Variants in KMT2A observed in about 807,000 individuals in gnomAD.
The protein encoded by KMT2A is lysine methyltransferase 2A.
A neutral mutation model predicts 345.3 loss-of-function variants in KMT2A; 16 were observed. That is an observed-to-expected ratio of 0.05 (90% CI 0.03 to 0.07). The LOEUF is 0.07. Ranked by LOEUF, KMT2A falls within the 10% of genes least tolerant of loss-of-function variation. KMT2A has a pLI of 1.00. For synonymous variants in KMT2A, 1,599 were observed against 1,778.6 expected (o/e 0.90, Z 2.54); for missense variants, 3,272 against 4,841.6 (o/e 0.68, Z 9.62).
chr11:118,492,401 C>T (rs538280193), intron 15 of KMT2A, among the ~76,000 whole-genome samples: 3 of 152,316 alleles, frequency 2.0e-5, no homozygotes, highest in African/African-American at 4.8e-5. Context: ...CACACGGGGC[C>T]GGGCGCGGTG....
At position 118,495,522 on chromosome 11, in the gene KMT2A, A is replaced by G. The variant is rs1455149304; in HGVS notation, c.5364-178A>G. ...GTTTAACCAAGAGTCATATGTTGAG[A>G]TATTTTTTAAAATATTGAGTTCTGT... On this transcript the variant is annotated intron_variant, in intron 18 of 35. Coordinates refer to ENST00000534358, the MANE Select transcript of KMT2A (RefSeq NM_001197104.2). This position sits in a 1 kb window ranked among gnomAD's most constrained non-coding sequence, Gnocchi z 4.1. Among the ~76,000 whole-genome samples the G allele has an allele frequency of 2.6e-5, 4 of 152,124 alleles. No homozygotes were observed. The highest frequency in any genetic ancestry group is 9.7e-5 in the African/African-American group (4 of 41,416).
intron 31 of KMT2A, among the ~76,000 whole-genome samples, chr11:118,518,198 T>C (rs999147217): frequency 6.6e-6 from 1 of 152,194 alleles, no homozygotes. Context: ...AATAAAAATG[T>C]AAAGAACATT....
At chr11:118,486,376 T>G (rs1447792039) in intron 10 of KMT2A, among the ~76,000 whole-genome samples, 1 of 5,856 alleles carries the variant, frequency 1.7e-4, no homozygotes, top group African/African-American at 8.6e-4. Context: ...GTTTCTCTGG[T>G]TTTTTTTTTT....
rs1555048566 is a variant in KMT2A at position 118,506,596 on chromosome 11, T to G, written c.10704T>G (p.Ser3568=). Residue 3568 remains serine (S), a synonymous_variant, in exon 27 of 36, where the codon TCT becomes TCG. Transcript: ENST00000534358. ...TTTCCCATTTGCGGACCAGTTCTTC[T>G]GAAGCACACATTCCAGACCAAGAAA... ...HKVSHLRTSS[S]EAHIPDQETT... is the part of the protein sequence containing the mutation. 6.2e-7 allele frequency: 1 copy of G among 1,613,688 alleles called. No homozygotes were observed. Among genetic ancestry groups the G allele is most frequent in the Non-Finnish European group, 8.5e-7 (1 of 1,179,712 alleles).
Position 118,522,542 on chromosome 11 carries a change from G to A in KMT2A, c.*370G>A. The stretch of plus-strand genomic sequence containing the variant: ...AGAAATAAGTTGCCATCCTCAGGTT[G>A]GCCCTTTCCCAAGCACTGTAAGTGA... On this transcript the variant is annotated 3_prime_UTR_variant, in exon 36 of 36. Coordinates refer to ENST00000534358, the MANE Select transcript of KMT2A (RefSeq NM_001197104.2). The surrounding 1 kb of genome is among the most constrained non-coding windows in gnomAD (Gnocchi z 5.4). The A allele has an allele frequency of 3.6e-6, 1 of 281,638 alleles. No individual in the cohort carries two copies. The allele number at this position is 281,638 out of a possible 1,614,324, so 17.4% of individuals were successfully genotyped here.
rs1264467403 is a variant in KMT2A at position 118,525,721 on chromosome 11, A to C, written c.*3549A>C. ...TCAATCAAATATCTGAAAATACTAA[A>C]GGTCAAAACCTTGTCAGATGTTAAC... On this transcript the variant is annotated 3_prime_UTR_variant, in exon 36 of 36. Transcript: ENST00000534358. 1 of 230,368 alleles carries C rather than the reference A, an allele frequency of 4.3e-6. No individual in the cohort carries two copies. The highest frequency in any genetic ancestry group is 8.6e-6 in the Non-Finnish European group (1 of 116,502). 14.3% of individuals were successfully genotyped at this position (230,368 alleles called of 1,614,324 possible). A position where few individuals can be genotyped will look rare whatever the true frequency, so the allele number is the denominator to read the frequency against.
intron 1 of KMT2A, chr11:118,439,161 A>G: frequency 3.2e-6 from 1 of 317,176 alleles, no homozygotes; most frequent in Non-Finnish European, 6.3e-6. Context: ...ACAGCAGCAA[A>G]AAAAAAAAAA....
intron 6 of KMT2A, 68 bp downstream of exon 6, chr11:118,480,306 A>T: frequency 1.7e-6 from 2 of 1,159,416 alleles, no homozygotes; most frequent in Non-Finnish European, 2.5e-6. Context: ...GTATACACCC[A>T]GTAGAAGAGA....
At position 118,484,820 on chromosome 11, in the gene KMT2A, G is replaced by A; in HGVS notation, c.4219-42G>A. On this transcript the variant is annotated intron_variant, in intron 9 of 35. Coordinates refer to ENST00000534358, the MANE Select transcript of KMT2A (RefSeq NM_001197104.2). The surrounding 1 kb of genome is among the most constrained non-coding windows in gnomAD (Gnocchi z 4.1). ...ATCCTTATTTTCCATCCAAAGTTGT[G>A]TAATTGTAAAACTTTCCTAAGTGAC... 7.7e-7 allele frequency: 1 copy of A among 1,292,194 alleles called. No individual in the cohort carries two copies. Among genetic ancestry groups the A allele is most frequent in the Non-Finnish European group, 1.1e-6 (1 of 887,452 alleles). The allele number at this position is 1,292,194 out of a possible 1,614,324, so 80.0% of individuals were successfully genotyped here.
rs147292591 is a variant in KMT2A at position 118,502,303 on chromosome 11, AAT to A, written c.6506-81_6506-80del. The A allele has an allele frequency of 7.3e-3, 4,107 of 565,580 alleles. No individual in the cohort carries two copies. The highest frequency in any genetic ancestry group is 9.5e-3 in the South Asian group (193 of 20,334). 35.0% of individuals were successfully genotyped at this position (565,580 alleles called of 1,614,324 possible). A position where few individuals can be genotyped will look rare whatever the true frequency, so the allele number is the denominator to read the frequency against. On this transcript the variant is annotated intron_variant, in intron 26 of 35. Transcript: ENST00000534358. This position sits in a 1 kb window ranked among gnomAD's most constrained non-coding sequence, Gnocchi z 4.9. ...AAATGTAGATTTCCAGTTACCTATAAATATATATATATATAGTCAAATCATTG... is the reference window on the plus strand; with the variant it reads ...AAATGTAGATTTCCAGTTACCTATAAATATATATATATAGTCAAATCATTG...
chr11:118,499,507 G>GGC, intron 23 of KMT2A, 87 bp downstream of exon 23: 2 of 895,186 alleles, frequency 2.2e-6, no homozygotes, highest in Non-Finnish European at 3.8e-6. Context: ...CCCTCAGCCA[G>GGC]GTGTGGTGTC....
rs782583251 is a variant in KMT2A at position 118,473,803 on chromosome 11, AAGG to A, written c.2647_2649del (p.Glu883del). 1.2e-6 allele frequency: 2 copies of A among 1,614,130 alleles called. No individual in the cohort carries two copies. Among genetic ancestry groups the A allele is most frequent in the African/African-American group, 1.3e-5 (1 of 75,032 alleles). On this transcript the variant is annotated inframe_deletion, in exon 3 of 36. Transcript: ENST00000534358. This position sits in a 1 kb window ranked among gnomAD's most constrained non-coding sequence, Gnocchi z 5.2. ...TAGAGAGAGAGACCGGGAGAGAGAAAAGGAGAATAAGCGGGAGTCAAGGAAAGA... is the reference window on the plus strand; with the variant it reads ...TAGAGAGAGAGACCGGGAGAGAGAAAAGAATAAGCGGGAGTCAAGGAAAGA...
Position 118,493,212 on chromosome 11 carries a change from A to G in KMT2A, c.5160A>G (p.Gln1720=), listed in dbSNP as rs1555043099. Residue 1720 remains glutamine, a synonymous_variant, in exon 16 of 36, where the codon CAA becomes CAG. Transcript: ENST00000534358. This position sits in a 1 kb window ranked among gnomAD's most constrained non-coding sequence, Gnocchi z 5.8. The stretch of plus-strand genomic sequence containing the variant: ...AAGGAGTCAAGAGGAAGATGGACCA[A>G]GGGAATTACACATCTGTGGTATGTT... ...DLEGVKRKMD[Q]GNYTSVLEFS... is the part of the protein sequence containing the mutation. 2.5e-6 allele frequency: 4 copies of G among 1,614,144 alleles called. No homozygotes were observed. In the Admixed American group the frequency reaches 5.0e-5, roughly 20 times the overall value.
chr11:118,498,510 G>A lies in KMT2A; in HGVS notation c.5943G>A (p.Arg1981=), dbSNP rs2134368148. The A allele has an allele frequency of 1.9e-6, 3 of 1,609,896 alleles. No homozygotes were observed. Among genetic ancestry groups the A allele is most frequent in the Non-Finnish European group, 2.5e-6 (3 of 1,178,588 alleles). ...DDKKVYCQRH[R]DLIKGEVVPE... Reference sequence around the variant, plus strand: ...AAAAAGTATATTGCCAACGACATCGGGATTTGATCAAAGGCGAAGTGAGAG... The same window carrying A: ...AAAAAGTATATTGCCAACGACATCGAGATTTGATCAAAGGCGAAGTGAGAG... Residue 1981 remains arginine, a synonymous_variant, in exon 22 of 36, where the codon CGG becomes CGA. Transcript: ENST00000534358. This position sits in a 1 kb window ranked among gnomAD's most constrained non-coding sequence, Gnocchi z 4.4.
Position 118,489,816 on chromosome 11 carries a change from C to A in KMT2A, c.4504C>A (p.Arg1502=). The change falls in exon 12 of 36, where the codon CGA becomes AGA. Residue 1502 remains arginine, a synonymous_variant. Transcript: ENST00000534358. ...TKQLLECNKC[R]NSYHPECLGP... Reference sequence around the variant, plus strand: ...GCAGCTGCTGGAGTGTAATAAGTGCCGAAACAGCTATCACCCTGAGTGCCT... The same window carrying A: ...GCAGCTGCTGGAGTGTAATAAGTGCAGAAACAGCTATCACCCTGAGTGCCT... 3 of 1,614,052 alleles carry A rather than the reference C, an allele frequency of 1.9e-6. No individual in the cohort carries two copies. Among genetic ancestry groups the A allele is most frequent in the Non-Finnish European group, 2.5e-6 (3 of 1,180,010 alleles).
In KMT2A at chr11:118,491,424, C is replaced by A; in HGVS notation, c.4819+106C>A. 1.8e-6 allele frequency: 2 copies of A among 1,130,704 alleles called. No homozygotes were observed. The highest frequency in any genetic ancestry group is 2.5e-6 in the Non-Finnish European group (2 of 809,098). 70.0% of individuals were successfully genotyped at this position (1,130,704 alleles called of 1,614,324 possible). A position where few individuals can be genotyped will look rare whatever the true frequency, so the allele number is the denominator to read the frequency against. The stretch of plus-strand genomic sequence containing the variant: ...TTATGGTTGTGTTGTTATTTGAAAT[C>A]TCTAAATTTATTTTTTAGTCTCTAG... On this transcript the variant is annotated intron_variant, in intron 14 of 35. Transcript: ENST00000534358. The surrounding 1 kb of genome is among the most constrained non-coding windows in gnomAD (Gnocchi z 4.2).
chr11:118,503,316 A>C lies in KMT2A; in HGVS notation c.7424A>C (p.Glu2475Ala). Residue 2475 changes from glutamate (E) to alanine (A), a missense_variant, in exon 27 of 36, where the codon GAG (glutamate) becomes GCG (alanine). This residue lies in a region of KMT2A where 445 missense variants were observed against 500.9 expected (regional missense o/e 0.89). Coordinates refer to ENST00000534358, the MANE Select transcript of KMT2A (RefSeq NM_001197104.2). This position sits in a 1 kb window ranked among gnomAD's most constrained non-coding sequence, Gnocchi z 5.3. ...TTTATGGATGAGGTTTTGACTCCTG[A>C]GTATATGGGCCAACGACCATGTAAC... ...PEFMDEVLTP[E>A]YMGQRPCNNV... The C allele has an allele frequency of 6.2e-7, 1 of 1,614,106 alleles. No homozygotes were observed. The highest frequency in any genetic ancestry group is 1.3e-5 in the African/African-American group (1 of 75,032).
rs1234941873 is a variant in KMT2A, at chr11:118,495,148, T to TTTTA, written c.5363+397_5363+400dup. On this transcript the variant is annotated intron_variant, in intron 18 of 35. Transcript: ENST00000534358. The surrounding 1 kb of genome is among the most constrained non-coding windows in gnomAD (Gnocchi z 4.1). ...ATTCCAGTAAATTCTTTTGATTTGA[T>TTTTA]TTTATTTATTTATTTATTTTTTTTT... Among the ~76,000 whole-genome samples the TTTTA allele has an allele frequency of 2.0e-5, 3 of 151,222 alleles. No homozygotes were observed. Among genetic ancestry groups the TTTTA allele is most frequent in the African/African-American group, 7.3e-5 (3 of 41,082 alleles).
At position 118,491,442 on chromosome 11, in the gene KMT2A, G is replaced by T. The variant is rs192803019; in HGVS notation, c.4819+124G>T. 313 of 951,500 alleles carry T rather than the reference G, an allele frequency of 3.3e-4. 1 individual carries two copies. The African/African-American group carries it at 4.9e-3, about 15-fold the overall frequency. The allele number at this position is 951,500 out of a possible 1,614,324, so 58.9% of individuals were successfully genotyped here. A position where few individuals can be genotyped will look rare whatever the true frequency, so the allele number is the denominator to read the frequency against. On this transcript the variant is annotated intron_variant, in intron 14 of 35. Coordinates refer to ENST00000534358, the MANE Select transcript of KMT2A (RefSeq NM_001197104.2). The surrounding 1 kb of genome is among the most constrained non-coding windows in gnomAD (Gnocchi z 4.2). ...TTGAAATCTCTAAATTTATTTTTTA[G>T]TCTCTAGAATAAGCAGCATTGTATT...
Sources: allele counts gnomAD v4.1 joint callset (sites outside exome capture counted in the v4.1 genomes callset), GRCh38; gene constraint gnomAD v4.1.1; regional missense constraint gnomAD v4.1.1; non-coding constraint Gnocchi (gnomAD v3.1); transcripts MANE v1.5; gene names NCBI Gene and HGNC (gene_info 2026-07-23, HGNC 2026-07-21).